Variants in CEP83 observed in about 807,000 individuals in gnomAD.
The protein encoded by CEP83 is centrosomal protein 83.
In CEP83, 70 loss-of-function variants were observed where a neutral mutation model predicts 101.9. The observed-to-expected ratio is 0.69, with a 90% CI of 0.57 to 0.84. The LOEUF is 0.84. CEP83 is among the 40% of genes least tolerant of loss of function. The pLI, the probability that CEP83 is intolerant of heterozygous loss-of-function variation, is 0.00. For synonymous variants in CEP83, 264 were observed against 267.9 expected (o/e 0.99, Z 0.14); for missense variants, 715 against 787.2 (o/e 0.91, Z 1.10).
At chr12:94,374,762 A>G (rs2061453474) in intron 8 of CEP83, among the ~76,000 whole-genome samples, 2 of 152,168 alleles carry the variant, frequency 1.3e-5, no homozygotes, top group South Asian at 4.1e-4. Flanking sequence ...TTATGTTACA[A>G]TATTTTCTTA....
At chr12:94,275,837 A>G in the CEP83 span, among the ~76,000 whole-genome samples, 1 of 78,342 alleles carries the variant, frequency 1.3e-5, no homozygotes, top group African/African-American at 5.5e-5. Flanking sequence ...CCTGGGCGAC[A>G]GAGCGAGACT....
intron 11 of CEP83, among the ~76,000 whole-genome samples, chr12:94,360,896 T>C (rs1205740710): frequency 6.6e-6 from 1 of 152,100 alleles, no homozygotes; most frequent in Admixed American, 6.5e-5. Flanking sequence ...AGTACTGGCA[T>C]AAAAACACAT....
chr12:94,422,188 G>T (rs899480547), intron 2 of CEP83, among the ~76,000 whole-genome samples: 2 of 152,282 alleles, frequency 1.3e-5, no homozygotes, highest in Admixed American at 1.3e-4. Context: ...TAGCCAATCA[G>T]GACAAGAACA....
At chr12:94,326,636 T>C (rs1163245886) in intron 14 of CEP83, among the ~76,000 whole-genome samples, 4 of 152,208 alleles carry the variant, frequency 2.6e-5, no homozygotes, top group Admixed American at 6.5e-5. Flanking sequence ...TGAAGTTAGA[T>C]TGGATTCGAG....
rs1222585230 is a variant in CEP83, at chr12:94,378,940, CT to C, written c.651del (p.Val218SerfsTer7). On this transcript the variant is annotated frameshift_variant, in exon 7 of 17. Transcript: ENST00000397809. LOFTEE classifies it high-confidence loss of function. ...CCTTTTAATTTTTGACACAAATAGA[CT>C]TTTTCTCGAGCAAGTTGTTCCACTC... ...SKRVEQLAREKVYLCQKLKGL... is the reference protein window; with the variant it reads ...SKRVEQLAREXVYLCQKLKGL... The C allele has an allele frequency of 6.2e-7, 1 of 1,614,028 alleles. No homozygotes were observed. The highest frequency in any genetic ancestry group is 8.5e-7 in the Non-Finnish European group (1 of 1,179,958).
At chr12:94,334,953 T>C (rs985177659) in intron 12 of CEP83, among the ~76,000 whole-genome samples, 2 of 152,092 alleles carry the variant, frequency 1.3e-5, no homozygotes, top group African/African-American at 2.4e-5. Flanking sequence ...TCCATCTAGT[T>C]AAGACTTAGA....
chr12:94,384,748 T>G (rs897132817), intron 6 of CEP83, among the ~76,000 whole-genome samples: 1 of 152,210 alleles, frequency 6.6e-6, no homozygotes, highest in African/African-American at 2.4e-5. Flanking sequence ...TTCTTCTCTT[T>G]ATTCTCTGTT....
At chr12:94,389,477 T>C (rs557082577) in intron 6 of CEP83, among the ~76,000 whole-genome samples, 34 of 152,294 alleles carry the variant, frequency 2.2e-4, no homozygotes, top group African/African-American at 8.2e-4. Context: ...TTTATATTAC[T>C]TAAGAAAACA....
chr12:94,411,816 C>T lies in CEP83; in HGVS notation c.205G>A (p.Glu69Lys), dbSNP rs748739528. The stretch of plus-strand genomic sequence containing the variant: ...TTTTCATTAAACAGGTGCTTGAGTT[C>T]ATTTTGTAACTTTACATGTTCATTC... ...LQNEHVKLQN[E>K]LKHLFNEKQT... Residue 69 changes from glutamate to lysine, a missense_variant, in exon 4 of 17, where the codon GAA becomes AAA. Transcript: ENST00000397809. The T allele has an allele frequency of 6.2e-6, 10 of 1,612,334 alleles. No individual in the cohort carries two copies. In the East Asian group the frequency reaches 1.8e-4, roughly 29 times the overall value.
chr12:94,343,470 CTTTTTTTTTTTTTTTTT>C (rs1161481202), intron 11 of CEP83, among the ~76,000 whole-genome samples: 9 of 84,168 alleles, frequency 1.1e-4, no homozygotes, highest in African/African-American at 3.1e-4. Flanking sequence ...TAGAAATTAA[CTTTTTTTTTTTTTTTTT>C]TTTTTTTTTT....
At position 94,343,319 on chromosome 12, in the gene CEP83, G is replaced by A. The variant is rs114928560; in HGVS notation, c.1344-7655C>T. On this transcript the variant is annotated intron_variant, in intron 11 of 16. Transcript: ENST00000397809. ...GCAGGGTCAGCACCGTGAGACTGTC[G>A]CCTTAAATTTTTTGCACCCTGGGTG... Among the ~76,000 whole-genome samples the A allele has an allele frequency of 2.6e-3, 389 of 151,950 alleles. 2 individuals carry two copies. Among genetic ancestry groups the A allele is most frequent in the African/African-American group, 9.1e-3 (377 of 41,458 alleles).
chr12:94,372,046 T>A (rs904555565), intron 8 of CEP83, among the ~76,000 whole-genome samples: 1 of 152,206 alleles, frequency 6.6e-6, no homozygotes, highest in Non-Finnish European at 1.5e-5. Context: ...TAATCTCAGC[T>A]TACTGCAACC....
chr12:94,365,024 T>C (rs1293574763), intron 11 of CEP83, among the ~76,000 whole-genome samples: 3 of 152,116 alleles, frequency 2.0e-5, no homozygotes, highest in Non-Finnish European at 4.4e-5. Flanking sequence ...ATAATAAAAA[T>C]TTTTGCATGG....
intron 11 of CEP83, among the ~76,000 whole-genome samples, chr12:94,359,351 G>A (rs1362038672): frequency 6.6e-6 from 1 of 152,114 alleles, no homozygotes; most frequent in Non-Finnish European, 1.5e-5. Context: ...AAAACAAAAT[G>A]TTGGTTTTTT....
chr12:94,422,732 T>G (rs553471048), intron 2 of CEP83, among the ~76,000 whole-genome samples: 1 of 152,362 alleles, frequency 6.6e-6, no homozygotes, highest in East Asian at 1.9e-4. Context: ...GTATTTGCCT[T>G]GTTTCACCCA....
chr12:94,382,582 T>C (rs2061909795), intron 6 of CEP83, among the ~76,000 whole-genome samples: 2 of 151,972 alleles, frequency 1.3e-5, no homozygotes, highest in African/African-American at 2.4e-5. Context: ...TGAAATGTTT[T>C]TCTTTGAAAT....
rs1476766874 is a variant in CEP83, at chr12:94,368,160, G to A, written c.1090C>T (p.His364Tyr). ...DNEILKAAVE[H>Y]HKVLLVEKDR... ...TTTTCTACTAAGAGCACTTTGTGAT[G>A]TTCAACAGCTGCTTTGAGAATTTCA... is the stretch of plus-strand genomic sequence containing the variant. Residue 364 changes from histidine to tyrosine, a missense_variant, in exon 10 of 17, where the codon CAT becomes TAT. Coordinates refer to ENST00000397809, the MANE Select transcript of CEP83 (RefSeq NM_016122.3). The A allele has an allele frequency of 1.9e-6, 3 of 1,612,542 alleles. No homozygotes were observed. The highest frequency in any genetic ancestry group is 2.5e-6 in the Non-Finnish European group (3 of 1,179,172).
chr12:94,306,827 G>A (rs561380852), downstream of CEP83: 20 of 152,188 alleles, frequency 1.3e-4, no homozygotes, highest in Non-Finnish European at 1.8e-4. Flanking sequence ...TTACTACCCT[G>A]ATAGGCACCT....
At chr12:94,306,236 A>AAGAT (rs987641062), downstream of CEP83, 1 of 152,086 alleles carries the variant, frequency 6.6e-6, no homozygotes, top group African/African-American at 2.4e-5. Flanking sequence ...TAAAAAAAAA[A>AAGAT]AGATACATTT....
Sources: allele counts gnomAD v4.1 joint callset (sites outside exome capture counted in the v4.1 genomes callset), GRCh38; gene constraint gnomAD v4.1.1; transcripts MANE v1.5; gene names NCBI Gene and HGNC (gene_info 2026-07-23, HGNC 2026-07-21).